The following GATA6 variants were observed in gnomAD, a reference collection of about 807,000 sequenced individuals.
GATA6 encodes transcription factor GATA-6.
In GATA6, 11 loss-of-function variants were observed where a neutral mutation model predicts 48.1. The ratio of observed to expected loss-of-function variants is 0.23; its 90% CI spans 0.14 to 0.38. The LOEUF (loss-of-function observed/expected upper bound fraction) is 0.38, where lower values mean the gene tolerates loss of function less well. Ranked by LOEUF, GATA6 falls within the 10% of genes least tolerant of loss-of-function variation. The probability of loss-of-function intolerance (pLI) is 1.00; values close to 1 mark genes in which losing one functional copy is unlikely to be tolerated. For synonymous variants in GATA6, 419 were observed against 396.1 expected, an observed-to-expected ratio of 1.06 and a Z score of -0.69; for missense variants, 795 against 850.3, an observed-to-expected ratio of 0.93 and a Z score of 0.81.
At chr18:22,173,604 G>A (rs1296336298) in intron 2 of GATA6, among the ~76,000 whole-genome samples, 1 of 152,204 alleles carries the variant, frequency 6.6e-6, no homozygotes, top group Non-Finnish European at 1.5e-5. Context: ...AATTTGAACA[G>A]CTCTCTGATA....
In GATA6 at chr18:22,170,568, G is replaced by A. The variant is rs2033019884; in HGVS notation, c.-37-540G>A. 6.6e-6 allele frequency among the ~76,000 whole-genome samples: 1 copy of A among 152,238 alleles called. No homozygotes were observed. Among genetic ancestry groups the A allele is most frequent in the Non-Finnish European group, 1.5e-5 (1 of 68,044 alleles). On this transcript the variant is annotated intron_variant, in intron 1 of 6. Transcript: ENST00000269216. The surrounding 1 kb of genome is among the most constrained non-coding windows in gnomAD (Gnocchi z 6.7). ...GAGAGCCAATATAGGAGAACGCGGC[G>A]GTTTCGTTTTCGGGGACAGGTTGCC...
intron 6 of GATA6, among the ~76,000 whole-genome samples, chr18:22,197,479 G>A (rs1396732015): frequency 6.6e-6 from 1 of 152,150 alleles, no homozygotes; most frequent in African/African-American, 2.4e-5. Context: ...CACATGGTCT[G>A]TTCACTCTTT....
chr18:22,173,963 A>G (rs912721062), intron 2 of GATA6, among the ~76,000 whole-genome samples: 1 of 152,164 alleles, frequency 6.6e-6, no homozygotes, highest in Non-Finnish European at 1.5e-5. Context: ...TCTGCTGCAA[A>G]GCTGGCCCTG....
At chr18:22,199,614 T>G (rs1456056721) in intron 6 of GATA6, among the ~76,000 whole-genome samples, 1 of 152,154 alleles carries the variant, frequency 6.6e-6, no homozygotes, top group Non-Finnish European at 1.5e-5. Flanking sequence ...CTTCAAGAAA[T>G]CATTGTGGCC....
chr18:22,196,577 CA>C (rs1296755006), intron 6 of GATA6, among the ~76,000 whole-genome samples: 7 of 151,832 alleles, frequency 4.6e-5, no homozygotes, highest in Non-Finnish European at 1.0e-4. Flanking sequence ...CCCATCTTTA[CA>C]AAAAATACAA....
At position 22,170,960 on chromosome 18, in the gene GATA6, A is replaced by C; in HGVS notation, c.-37-148A>C. 1.6e-6 allele frequency: 1 copy of C among 620,060 alleles called. No individual in the cohort carries two copies. The highest frequency in any genetic ancestry group is 1.8e-5 in the African/African-American group (1 of 54,306). The allele number at this position is 620,060 out of a possible 1,614,324, so 38.4% of individuals were successfully genotyped here. ...TGATCTCCACGCCCGGGGCAGAAAT[A>C]GGATCTTTGAGAAGTCTCAAATGGG... is the stretch of plus-strand genomic sequence containing the variant. On this transcript the variant is annotated intron_variant, in intron 1 of 6. Coordinates refer to ENST00000269216, the MANE Select transcript of GATA6 (RefSeq NM_005257.6). The surrounding 1 kb of genome is among the most constrained non-coding windows in gnomAD (Gnocchi z 6.7).
intron 6 of GATA6, among the ~76,000 whole-genome samples, chr18:22,199,740 T>C (rs2033432191): frequency 6.6e-6 from 1 of 151,644 alleles, no homozygotes; most frequent in Non-Finnish European, 1.5e-5. Context: ...CCGTCTCTAC[T>C]AAAAATACAA....
At chr18:22,196,197 A>AT (rs1252482095) in intron 6 of GATA6, among the ~76,000 whole-genome samples, 5 of 151,982 alleles carry the variant, frequency 3.3e-5, no homozygotes, top group Non-Finnish European at 7.4e-5. Context: ...TACTTGCCCC[A>AT]TTTTTTTTCT....
At chr18:22,181,706 AAT>A in intron 4 of GATA6, 128 bp downstream of exon 4, 1 of 889,466 alleles carries the variant, frequency 1.1e-6, no homozygotes, top group South Asian at 1.4e-5. Context: ...TTTATTACTG[AAT>A]ATGTTTAATA....
Position 22,172,331 on chromosome 18 carries a change from C to CG in GATA6, c.1135+57dup. ...TGCGGGTCCAAAGCGCTGGGGCGCA[C>CG]GGGGGACGTGGAGCAGCTGCTCCAC... On this transcript the variant is annotated intron_variant, in intron 2 of 6. Transcript: ENST00000269216. This position sits in a 1 kb window ranked among gnomAD's most constrained non-coding sequence, Gnocchi z 5.2. 1 of 1,512,036 alleles carries CG rather than the reference C, an allele frequency of 6.6e-7. No individual in the cohort carries two copies. The highest frequency in any genetic ancestry group is 2.5e-5 in the East Asian group (1 of 40,120). 93.7% of individuals were successfully genotyped at this position (1,512,036 alleles called of 1,614,324 possible). A position where few individuals can be genotyped will look rare whatever the true frequency, so the allele number is the denominator to read the frequency against.
rs747422213 is a variant in GATA6, at chr18:22,171,513, C to T, written c.369C>T (p.Thr123=). 6.2e-7 allele frequency: 1 copy of T among 1,603,352 alleles called. No individual in the cohort carries two copies. The highest frequency in any genetic ancestry group is 8.5e-7 in the Non-Finnish European group (1 of 1,179,630). ...TCACTGACCTCGACCAAGCCGCGAC[C>T]GCCAGCAAGCTGCTGTGGTCCAGCC... ...LLFTDLDQAA[T]ASKLLWSSRG... Residue 123 remains threonine, a synonymous_variant, in exon 2 of 7, where the codon ACC becomes ACT. Transcript: ENST00000269216. The surrounding 1 kb of genome is among the most constrained non-coding windows in gnomAD (Gnocchi z 7.1).
At chr18:22,182,715 CA>C in intron 4 of GATA6, 41 bp from the exon 5 acceptor site, 1 of 1,404,598 alleles carries the variant, frequency 7.1e-7, no homozygotes, top group South Asian at 1.2e-5. Context: ...GGTTTTTCTT[CA>C]ATATAATATT....
rs2033020992 is a variant in GATA6 at position 22,170,630 on chromosome 18, A to G, written c.-37-478A>G. ...AAGGGTTTTCCCGTGGGGAACCCTCACCCCGAGGCATTTCGGGAGAGGGGC... is the reference window on the plus strand; with the variant it reads ...AAGGGTTTTCCCGTGGGGAACCCTCGCCCCGAGGCATTTCGGGAGAGGGGC... On this transcript the variant is annotated intron_variant, in intron 1 of 6. Transcript: ENST00000269216. The surrounding 1 kb of genome is among the most constrained non-coding windows in gnomAD (Gnocchi z 6.7). Among the ~76,000 whole-genome samples, 1 of 152,110 alleles carries G rather than the reference A, an allele frequency of 6.6e-6. No individual in the cohort carries two copies. Among genetic ancestry groups the G allele is most frequent in the Non-Finnish European group, 1.5e-5 (1 of 68,018 alleles).
At chr18:22,176,773 T>C (rs999448912) in intron 2 of GATA6, 182 bp from the exon 3 acceptor site, 6 of 657,884 alleles carry the variant, frequency 9.1e-6, no homozygotes, top group Non-Finnish European at 1.5e-5. Flanking sequence ...AAATGGTCAG[T>C]GGAGCAATAG....
At position 22,172,151 on chromosome 18, in the gene GATA6, C is replaced by A; in HGVS notation, c.1007C>A (p.Pro336His). 1 of 1,531,956 alleles carries A rather than the reference C, an allele frequency of 6.5e-7. No individual in the cohort carries two copies. Among genetic ancestry groups the A allele is most frequent in the South Asian group, 1.2e-5 (1 of 83,726 alleles). The allele number at this position is 1,531,956 out of a possible 1,614,324, so 94.9% of individuals were successfully genotyped here. A position where few individuals can be genotyped will look rare whatever the true frequency, so the allele number is the denominator to read the frequency against. Residue 336 changes from proline (P) to histidine (H), a missense_variant, in exon 2 of 7, where the codon CCC (proline) becomes CAC (histidine). Coordinates refer to ENST00000269216, the MANE Select transcript of GATA6 (RefSeq NM_005257.6). This position sits in a 1 kb window ranked among gnomAD's most constrained non-coding sequence, Gnocchi z 5.2. Reference protein sequence around the residue: ...HHHHHHHHPSPYSPYVGAPLT... With the variant: ...HHHHHHHHPSHYSPYVGAPLT... ...CACCACCACCACCACCATCCGAGCC[C>A]CTACTCGCCCTACGTGGGGGCGCCA...
At position 22,175,439 on chromosome 18, in the gene GATA6, AT is replaced by A. The variant is rs574484700; in HGVS notation, c.1136-1512del. On this transcript the variant is annotated intron_variant, in intron 2 of 6. Coordinates refer to ENST00000269216, the MANE Select transcript of GATA6 (RefSeq NM_005257.6). ...ATCCAGAGGGGCTCTGATAGGTAACATTTTAAAGTCAACAACAAAGACAAAT... is the reference window on the plus strand; with the variant it reads ...ATCCAGAGGGGCTCTGATAGGTAACATTTAAAGTCAACAACAAAGACAAAT... 10 of 152,316 alleles carry A rather than the reference AT, an allele frequency of 6.6e-5. No homozygotes were observed. In the South Asian group the frequency reaches 2.1e-3, roughly 32 times the overall value. 9.4% of individuals were successfully genotyped at this position (152,316 alleles called of 1,614,324 possible). A position where few individuals can be genotyped will look rare whatever the true frequency, so the allele number is the denominator to read the frequency against.
intron 6 of GATA6, among the ~76,000 whole-genome samples, chr18:22,190,521 A>G (rs1437825496): frequency 6.6e-6 from 1 of 151,780 alleles, no homozygotes; most frequent in African/African-American, 2.4e-5. Context: ...TTTTCAGTCT[A>G]TCGTCCAAAA....
chr18:22,183,251 C>T (rs750044527), intron 6 of GATA6, among the ~76,000 whole-genome samples: 1 of 152,076 alleles, frequency 6.6e-6, no homozygotes, highest in Admixed American at 6.6e-5. Flanking sequence ...TAATTAAGAT[C>T]GGTATCATTT....
intron 6 of GATA6, among the ~76,000 whole-genome samples, chr18:22,187,267 G>C (rs761226368): frequency 6.6e-6 from 1 of 152,052 alleles, no homozygotes; most frequent in Admixed American, 6.5e-5. Context: ...GATCACCTGA[G>C]GTCAGGAGTT....
Sources: gnomAD v4.1 joint callset for allele counts (sites outside exome capture counted in the v4.1 genomes callset) on GRCh38, gnomAD v4.1.1 for gene constraint, Gnocchi (gnomAD v3.1) non-coding constraint, MANE v1.5 for transcripts, NCBI Gene and HGNC (gene_info 2026-07-23, HGNC 2026-07-21) for gene names.